FRMD6: variants seen among roughly 807,000 people sequenced by gnomAD.
The protein encoded by FRMD6 is FERM domain-containing protein 6.
In FRMD6, 37 loss-of-function variants were observed where a neutral mutation model predicts 73.2. The observed-to-expected ratio is 0.51, with a 90% CI of 0.39 to 0.66. FRMD6 has a LOEUF of 0.66. FRMD6 is among the 30% of genes least tolerant of loss of function. The pLI is 0.00. For missense variants in FRMD6, 714 were observed against 780.5 expected (o/e 0.91, Z 1.02); for synonymous variants, 273 against 282.2 (o/e 0.97, Z 0.33).
At chr14:51,432,462 G>A in the FRMD6 span, among the ~76,000 whole-genome samples, 1 of 152,082 alleles carries the variant, frequency 6.6e-6, no homozygotes, top group Non-Finnish European at 1.5e-5. Context: ...TCAGTCATAA[G>A]GTCAGTCCCC....
At chr14:51,705,147 C>T (rs989236141) in intron 6 of FRMD6, among the ~76,000 whole-genome samples, 9 of 152,160 alleles carry the variant, frequency 5.9e-5, no homozygotes, top group Admixed American at 3.9e-4. Flanking sequence ...GAATTGCCAT[C>T]CATCCTGATA....
chr14:51,456,078 G>A, the FRMD6 span, among the ~76,000 whole-genome samples: 1 of 152,180 alleles, frequency 6.6e-6, no homozygotes, highest in Non-Finnish European at 1.5e-5. Context: ...GGGCTTGAGG[G>A]GGCTCTGGGT....
At chr14:51,482,674 C>CTGTGTGTGTGTG in the FRMD6 span, among the ~76,000 whole-genome samples, 24,937 of 148,724 alleles carry the variant, frequency 0.17, 2,170 homozygotes, top group Non-Finnish European at 0.2. Flanking sequence ...TTTGCAGGAA[C>CTGTGTGTGTGTG]TGTGTGTGTG....
chr14:51,502,190 C>T (rs944386170), intron 1 of FRMD6, among the ~76,000 whole-genome samples: 5 of 152,156 alleles, frequency 3.3e-5, no homozygotes, highest in African/African-American at 9.7e-5. Flanking sequence ...TGTACAGAAG[C>T]TCTTTAGATT....
chr14:51,642,604 T>A (rs951727424), intron 2 of FRMD6, among the ~76,000 whole-genome samples: 3 of 152,148 alleles, frequency 2.0e-5, no homozygotes, highest in African/African-American at 4.8e-5. Context: ...CAAAGCTTGA[T>A]TACTTTACCT....
chr14:51,407,747 T>G, the FRMD6 span, among the ~76,000 whole-genome samples: 1 of 152,158 alleles, frequency 6.6e-6, no homozygotes, highest in South Asian at 2.1e-4. Context: ...GAAGTGTTTC[T>G]TAATTTCCAA....
chr14:51,693,270 T>G (rs1895727287), intron 2 of FRMD6, among the ~76,000 whole-genome samples: 1 of 152,194 alleles, frequency 6.6e-6, no homozygotes, highest in South Asian at 2.1e-4. Context: ...CAGCATAATT[T>G]CTGATGCATA....
At chr14:51,550,298 G>T (rs908748966) in intron 1 of FRMD6, among the ~76,000 whole-genome samples, 12 of 152,024 alleles carry the variant, frequency 7.9e-5, no homozygotes, top group African/African-American at 2.9e-4. Context: ...GAGTACTGGG[G>T]TGCAATCATG....
chr14:51,491,668 C>T (rs1452704789), intron 1 of FRMD6: 1 of 152,208 alleles, frequency 6.6e-6, no homozygotes, highest in Non-Finnish European at 1.5e-5. Context: ...AAAAATGAAA[C>T]CAAAATGGAC....
chr14:51,583,063 T>C (rs1888821534), intron 2 of FRMD6, among the ~76,000 whole-genome samples: 1 of 152,242 alleles, frequency 6.6e-6, no homozygotes, highest in African/African-American at 2.4e-5. Flanking sequence ...TTATTATGTA[T>C]TGAATTATAT....
chr14:51,529,470 CAGAG>C (rs146389938), intron 1 of FRMD6, among the ~76,000 whole-genome samples: 151 of 151,510 alleles, frequency 1.0e-3, no homozygotes, highest in African/African-American at 2.7e-3. Flanking sequence ...TCATCATACA[CAGAG>C]AGAGAGAGAG....
At chr14:51,436,921 T>TGATGAAGGGGAGGGAGAGGAG in the FRMD6 span, 2 of 999,618 alleles carry the variant, frequency 2.0e-6, no homozygotes, top group South Asian at 2.7e-5. Flanking sequence ...AAGAAGATGA[T>TGATGAAGGGGAGGGAGAGGAG]GATGAAGGGG....
At chr14:51,707,979 C>T in intron 6 of FRMD6, 99 bp from the exon 7 acceptor site, 3 of 1,112,026 alleles carry the variant, frequency 2.7e-6, no homozygotes, top group Non-Finnish European at 4.0e-6. Flanking sequence ...GTTTACATGG[C>T]CTATTTTAGC....
At chr14:51,456,136 T>C in the FRMD6 span, among the ~76,000 whole-genome samples, 1 of 152,304 alleles carries the variant, frequency 6.6e-6, no homozygotes, top group South Asian at 2.1e-4. Context: ...ATATTTCTTT[T>C]TCTCTTTTTT....
intron 11 of FRMD6, among the ~76,000 whole-genome samples, chr14:51,721,300 A>G (rs1037432394): frequency 1.2e-4 from 19 of 152,344 alleles, no homozygotes; most frequent in African/African-American, 4.3e-4. Flanking sequence ...CATATAGGTA[A>G]TGCAGCAATC....
At chr14:51,610,766 G>A (rs745617714) in intron 2 of FRMD6, among the ~76,000 whole-genome samples, 5 of 152,142 alleles carry the variant, frequency 3.3e-5, no homozygotes, top group Non-Finnish European at 5.9e-5. Context: ...CAGGTCCCAG[G>A]GTTAGAAATT....
At chr14:51,490,616 T>TTGTGTGTGTGTGTGTGTGTGTG (rs58046471) in intron 1 of FRMD6, among the ~76,000 whole-genome samples, 1,847 of 148,096 alleles carry the variant, frequency 0.012, 18 homozygotes, top group East Asian at 0.018. Flanking sequence ...TGTGTGTATT[T>TTGTGTGTGTGTGTGTGTGTGTG]TGTGTGTGTG....
Position 51,613,403 on chromosome 14 carries a change from G to A in FRMD6, c.-147+42993G>A, listed in dbSNP as rs141971459. Reference sequence around the variant, plus strand: ...AAAATGCAAGAGATGGAGCAGTATCGGGGTAAGAGGTGCTAATATGTTCAA... The same window carrying A: ...AAAATGCAAGAGATGGAGCAGTATCAGGGTAAGAGGTGCTAATATGTTCAA... On this transcript the variant is annotated intron_variant, in intron 2 of 14. Transcript: ENST00000356218. Among the ~76,000 whole-genome samples, 43 of 152,256 alleles carry A rather than the reference G, an allele frequency of 2.8e-4. No homozygotes were observed. The East Asian group carries it at 6.0e-3, about 21-fold the overall frequency.
the FRMD6 span, among the ~76,000 whole-genome samples, chr14:51,470,599 T>A: frequency 6.6e-6 from 1 of 152,252 alleles, no homozygotes; most frequent in Non-Finnish European, 1.5e-5. Flanking sequence ...TATCTTTATC[T>A]TTTTTGCTCT....
Sources: gnomAD v4.1 joint callset for allele counts (sites outside exome capture counted in the v4.1 genomes callset) on GRCh38, gnomAD v4.1.1 for gene constraint, MANE v1.5 for transcripts, NCBI Gene and HGNC (gene_info 2026-07-23, HGNC 2026-07-21) for gene names.